The following SCN4A variants were observed in gnomAD, a reference collection of about 807,000 sequenced individuals.
SCN4A encodes sodium channel protein type 4 subunit alpha.
Under a neutral mutation model 162.0 loss-of-function variants are expected in SCN4A, and 83 were observed. The observed-to-expected ratio is 0.51, with a 90% CI of 0.43 to 0.61. The LOEUF (loss-of-function observed/expected upper bound fraction) is 0.61, where lower values mean the gene tolerates loss of function less well. Among genes scored for constraint, SCN4A ranks in the 20% least tolerant of loss-of-function variants. The pLI is 0.00. For missense variants in SCN4A, 2,196 were observed against 2,462.5 expected (o/e 0.89, Z 2.29); for synonymous variants, 944 against 985.1 (o/e 0.96, Z 0.78).
rs761103497 is a variant in SCN4A, at chr17:63,941,594, C to T, written c.4688G>A (p.Ser1563Asn). 6.2e-7 allele frequency: 1 copy of T among 1,614,096 alleles called. No homozygotes were observed. Among genetic ancestry groups the T allele is most frequent in the Non-Finnish European group, 8.5e-7 (1 of 1,179,994 alleles). ...CDPNLENPGTSVKGDCGNPSI... is the reference protein window; with the variant it reads ...CDPNLENPGTNVKGDCGNPSI... ...GGGGTTGCCGCAGTCACCCTTGACA[C>T]TGGTGCCCGGGTTCTCCAGGTTGGG... The change falls in exon 24 of 24, where the codon AGT (serine) becomes AAT (asparagine). Residue 1563 changes from serine (S) to asparagine (N), a missense_variant. Physicochemically the swap from Ser to Asn is conservative, Grantham distance 46 (BLOSUM62 1). Coordinates refer to ENST00000435607, the MANE Select transcript of SCN4A (RefSeq NM_000334.4). This position sits in a 1 kb window ranked among gnomAD's most constrained non-coding sequence, Gnocchi z 6.2.
rs376526108 is a variant in SCN4A, at chr17:63,941,048, C to T, written c.5234G>A (p.Arg1745His). The stretch of plus-strand genomic sequence containing the variant: ...CATGTAGGATGCCTGCTTCATGGAG[C>T]GCTGTAGCAGGTGCCGGCGGTAGGC... ...QRAYRRHLLQ[R>H]SMKQASYMYR... Residue 1745 changes from arginine to histidine, a missense_variant, in exon 24 of 24, where the codon CGC becomes CAC. Arg to His is a conservative substitution (Grantham distance 29, BLOSUM62 0). Transcript: ENST00000435607. This position sits in a 1 kb window ranked among gnomAD's most constrained non-coding sequence, Gnocchi z 6.2. 9.3e-6 allele frequency: 15 copies of T among 1,613,968 alleles called. No homozygotes were observed. The highest frequency in any genetic ancestry group is 1.6e-4 in the Middle Eastern group (1 of 6,062).
At chr17:63,966,633 C>G in intron 6 of SCN4A, 89 bp from the exon 7 acceptor site, 3 of 934,026 alleles carry the variant, frequency 3.2e-6, no homozygotes, top group Non-Finnish European at 5.2e-6. Context: ...GTGGACAGGT[C>G]TGCGCGTACC....
intron 11 of SCN4A, among the ~76,000 whole-genome samples, chr17:63,960,202 C>G (rs1248113811): frequency 6.6e-6 from 1 of 152,246 alleles, no homozygotes; most frequent in Admixed American, 6.5e-5. Context: ...CAGAGGCTGT[C>G]CCTGGCCACA....
In SCN4A at chr17:63,943,748, G is replaced by T. The variant is rs750291652; in HGVS notation, c.4015C>A (p.Gln1339Lys). ...KKPQKPIPRPQNKIQGMVYDL... is the reference protein window; with the variant it reads ...KKPQKPIPRPKNKIQGMVYDL... Reference sequence around the variant, plus strand: ...ACAGGGGGCCCAGAGGTCTGTACCTGGGGCCGGGGAATTGGCTTCTGAGGC... The same window carrying T: ...ACAGGGGGCCCAGAGGTCTGTACCTTGGGCCGGGGAATTGGCTTCTGAGGC... The change falls in exon 22 of 24, where the codon CAG becomes AAG. Residue 1339 changes from glutamine (Q) to lysine (K), a missense_variant and splice_region_variant. Transcript: ENST00000435607. The T allele has an allele frequency of 2.5e-6, 4 of 1,596,312 alleles. No homozygotes were observed. Among genetic ancestry groups the T allele is most frequent in the Non-Finnish European group, 3.4e-6 (4 of 1,164,014 alleles).
chr17:63,940,516 T>C lies in SCN4A; in HGVS notation c.*255A>G, dbSNP rs551686842. 2.2e-6 allele frequency: 1 copy of C among 464,482 alleles called. No individual in the cohort carries two copies. Among genetic ancestry groups the C allele is most frequent in the Non-Finnish European group, 3.8e-6 (1 of 264,982 alleles). 28.8% of individuals were successfully genotyped at this position (464,482 alleles called of 1,614,324 possible). A position where few individuals can be genotyped will look rare whatever the true frequency, so the allele number is the denominator to read the frequency against. ...AGGGCCCAGAGGAGGTCAGAGCAAC[T>C]TGCAGGTTAAATCTTGGAGGCAGGG... On this transcript the variant is annotated 3_prime_UTR_variant, in exon 24 of 24. Coordinates refer to ENST00000435607, the MANE Select transcript of SCN4A (RefSeq NM_000334.4).
In SCN4A at chr17:63,957,212, CT is replaced by C. The variant is rs767923494; in HGVS notation, c.2325del (p.Ala776ProfsTer19). 1 of 1,598,628 alleles carries C rather than the reference CT, an allele frequency of 6.3e-7. No homozygotes were observed. The highest frequency in any genetic ancestry group is 1.3e-5 in the African/African-American group (1 of 74,720). The stretch of plus-strand genomic sequence containing the variant: ...ATGAGGAAGACGGTGAGGCACATGG[CT>C]TGGCCGGCCACCTCCATGCAGTCCC... Reference protein sequence around the residue: ...TMWDCMEVAGQAMCLTVFLMV... With the variant: ...TMWDCMEVAGXAMCLTVFLMV... On this transcript the variant is annotated frameshift_variant, in exon 13 of 24. Transcript: ENST00000435607. LOFTEE classifies it high-confidence loss of function.
chr17:63,955,293 C>A (rs1287324391), intron 13 of SCN4A, among the ~76,000 whole-genome samples: 1 of 152,168 alleles, frequency 6.6e-6, no homozygotes, highest in African/African-American at 2.4e-5. Flanking sequence ...TTGGCAGGGA[C>A]TGACATACAG....
Position 63,945,262 on chromosome 17 carries a change from C to T in SCN4A, c.3720+98G>A, listed in dbSNP as rs1908675732. ...GCATTGGAAGCAGGGTGGGCGGTCC[C>T]CTAACCAGGAGTGACACTGGGGTTG... On this transcript the variant is annotated intron_variant, in intron 19 of 23. Coordinates refer to ENST00000435607, the MANE Select transcript of SCN4A (RefSeq NM_000334.4). The surrounding 1 kb of genome is among the most constrained non-coding windows in gnomAD (Gnocchi z 4.4). The T allele has an allele frequency of 8.5e-7, 1 of 1,181,688 alleles. No homozygotes were observed. The highest frequency in any genetic ancestry group is 1.2e-6 in the Non-Finnish European group (1 of 819,254). 73.2% of individuals were successfully genotyped at this position (1,181,688 alleles called of 1,614,324 possible). A position where few individuals can be genotyped will look rare whatever the true frequency, so the allele number is the denominator to read the frequency against.
intron 11 of SCN4A, 29 bp from the exon 12 acceptor site, chr17:63,959,467 G>T: frequency 6.2e-7 from 1 of 1,602,378 alleles, no homozygotes; most frequent in Non-Finnish European, 8.5e-7. Context: ...CCCTGTCACA[G>T]AGCCTCGGGG....
At chr17:63,969,655 T>TC (rs1378910842) in intron 5 of SCN4A, among the ~76,000 whole-genome samples, 58 of 152,098 alleles carry the variant, frequency 3.8e-4, no homozygotes, top group Admixed American at 7.2e-4. Context: ...TCTTTTCTTT[T>TC]TTTTTTGAGA....
intron 11 of SCN4A, 23 bp downstream of exon 11, chr17:63,961,148 CTCCCATCCTGCCCATGAATGAT>C: frequency 8.2e-7 from 1 of 1,226,720 alleles, no homozygotes; most frequent in African/African-American, 1.5e-5. Flanking sequence ...GCCCTACCCC[CTCCCATCCTGCCCATGAATGAT>C]CCCCTCCCCC....
At chr17:63,943,927 G>A (rs998201486) in intron 21 of SCN4A, 77 bp from the exon 22 acceptor site, 3 of 900,164 alleles carry the variant, frequency 3.3e-6, no homozygotes, top group Non-Finnish European at 5.5e-6. Flanking sequence ...CCTCAGTGGG[G>A]CACCTCACCT....
chr17:63,968,002 C>T lies in SCN4A; in HGVS notation c.1036+21G>A, dbSNP rs372312170. 3.5e-5 allele frequency: 56 copies of T among 1,604,374 alleles called. 1 individual carries two copies. The highest frequency in any genetic ancestry group is 2.5e-4 in the South Asian group (23 of 90,878). On this transcript the variant is annotated intron_variant, in intron 6 of 23. Transcript: ENST00000435607. Reference sequence around the variant, plus strand: ...GGACTGGGACAGGATCCCCCTTGCCCGTCACCCTCCCCATTCTTACCTTCA... The same window carrying T: ...GGACTGGGACAGGATCCCCCTTGCCTGTCACCCTCCCCATTCTTACCTTCA...
intron 12 of SCN4A, among the ~76,000 whole-genome samples, chr17:63,958,480 A>G (rs1023240607): frequency 6.6e-6 from 1 of 152,220 alleles, no homozygotes; most frequent in Non-Finnish European, 1.5e-5. Context: ...AAGCTGGGTG[A>G]TAGGTACGTG....
chr17:63,949,812 A>C, intron 14 of SCN4A: 1 of 247,652 alleles, frequency 4.0e-6, no homozygotes. Flanking sequence ...CAGATAAGGG[A>C]GGAGGCGGGG....
chr17:63,959,410 A>G lies in SCN4A; in HGVS notation c.1874T>C (p.Met625Thr), dbSNP rs372436021. Reference protein sequence around the residue: ...LVFTGIFTAEMVLKLIAMDPY... With the variant: ...LVFTGIFTAETVLKLIAMDPY... ...GTCCATGGCAATCAGCTTCAGAACC[A>G]TCTCTGCTGTGAAGATGCCTGTGAA... Residue 625 changes from methionine (M) to threonine (T), a missense_variant, in exon 12 of 24, where the codon ATG becomes ACG. Coordinates refer to ENST00000435607, the MANE Select transcript of SCN4A (RefSeq NM_000334.4). 7 of 1,613,802 alleles carry G rather than the reference A, an allele frequency of 4.3e-6. No homozygotes were observed. Among genetic ancestry groups the G allele is most frequent in the Non-Finnish European group, 5.9e-6 (7 of 1,179,846 alleles).
chr17:63,964,682 G>A lies in SCN4A; in HGVS notation c.1243-5C>T. 1 of 1,599,220 alleles carries A rather than the reference G, an allele frequency of 6.3e-7. No individual in the cohort carries two copies. The highest frequency in any genetic ancestry group is 8.5e-7 in the Non-Finnish European group (1 of 1,173,676). On this transcript the variant is annotated splice_polypyrimidine_tract_variant and splice_region_variant and intron_variant, in intron 8 of 23. Transcript: ENST00000435607. ...CTTGCCAGCTGCTCGAAGGGTCTGG[G>A]AGTGGAGGGAGAGGGAGTGGAGGGG...
intron 10 of SCN4A, chr17:63,961,658 A>G (rs1156632313): frequency 1.7e-5 from 6 of 344,836 alleles, no homozygotes; most frequent in Non-Finnish European, 2.8e-5. Flanking sequence ...CCGCGCTCTG[A>G]GCGCGGCCGG....
chr17:63,959,339 T>C lies in SCN4A; in HGVS notation c.1945A>G (p.Ile649Val), dbSNP rs1909172837. ...AGCTCTACCAGGCTGAGGGTGACGA[T>C]GATGCTGTCGAAGATATTCCAACCC... The part of the protein sequence containing the change: ...QQGWNIFDSI[I>V]VTLSLVELGL... The change falls in exon 12 of 24, where the codon ATC becomes GTC. Residue 649 changes from isoleucine to valine, a missense_variant. By Grantham distance (29) the Ile-to-Val change is conservative. Transcript: ENST00000435607. The C allele has an allele frequency of 6.2e-7, 1 of 1,613,984 alleles. No homozygotes were observed. The highest frequency in any genetic ancestry group is 2.2e-5 in the East Asian group (1 of 44,882).
Sources: allele counts gnomAD v4.1 joint callset (sites outside exome capture counted in the v4.1 genomes callset), GRCh38; gene constraint gnomAD v4.1.1; non-coding constraint Gnocchi (gnomAD v3.1); transcripts MANE v1.5; gene names NCBI Gene and HGNC (gene_info 2026-07-23, HGNC 2026-07-21).